Variants in SNURF observed in about 807,000 individuals in gnomAD.
SNURF encodes SNURF protein.
SNURF carries 6 observed loss-of-function variants against 11.6 expected under a neutral mutation model. That is an observed-to-expected ratio of 0.52 (90% CI 0.28 to 1.02). The LOEUF is 1.02. SNURF is among the 50% of genes least tolerant of loss of function. SNURF has a pLI of 0.09. For synonymous variants in SNURF, 29 were observed against 31.6 expected (o/e 0.92, Z 0.27); for missense variants, 84 against 88.4 (o/e 0.95, Z 0.20).
In SNURF at chr15:24,974,982, G is replaced by T. The variant is rs867001062; in HGVS notation, c.*46-376G>T. 3.6e-5 allele frequency: 25 copies of T among 702,914 alleles called. No individual in the cohort carries two copies. The African/African-American group carries it at 4.2e-4, about 12-fold the overall frequency. The allele number at this position is 702,914 out of a possible 1,614,324, so 43.5% of individuals were successfully genotyped here. A position where few individuals can be genotyped will look rare whatever the true frequency, so the allele number is the denominator to read the frequency against. On this transcript the variant is annotated intron_variant and NMD_transcript_variant, in intron 3 of 6. Transcript: ENST00000580062. ...GGTCAGATTACAATAGAAATAAAGAGGGCTTTGAAAATGGAAGGGTTTTGG... is the reference window on the plus strand; with the variant it reads ...GGTCAGATTACAATAGAAATAAAGATGGCTTTGAAAATGGAAGGGTTTTGG...
intron 1 of SNURF, among the ~76,000 whole-genome samples, chr15:24,956,720 G>T (rs937022080): frequency 3.3e-5 from 5 of 152,220 alleles, no homozygotes; most frequent in Non-Finnish European, 7.3e-5. Context: ...AGGGAGATGG[G>T]TTGGCGCAGG....
exon 3 of SNURF, chr15:24,968,019 G>C (rs780059834): frequency 6.2e-7 from 1 of 1,614,058 alleles, no homozygotes; most frequent in East Asian, 2.2e-5. Flanking sequence ...TCTTAGCTGA[G>C]ACACCAAGAG....
chr15:24,974,419 T>C, intron 3 of SNURF: 1 of 1,611,530 alleles, frequency 6.2e-7, no homozygotes, highest in Non-Finnish European at 8.5e-7. Flanking sequence ...CATCAAGTTT[T>C]AACTGTGGAC....
At chr15:24,978,149 A>T, downstream of SNURF, 1 of 1,591,852 alleles carries the variant, frequency 6.3e-7, no homozygotes, top group South Asian at 1.1e-5. Flanking sequence ...TAACTTTTCT[A>T]AGCCATTTTA....
At chr15:24,976,464 ATAT>A in intron 5 of SNURF, 1 of 1,230,260 alleles carries the variant, frequency 8.1e-7, no homozygotes, top group Non-Finnish European at 1.2e-6. Context: ...CAGGGACATC[ATAT>A]TATGTGAGAT....
chr15:24,965,392 C>T (rs1266463248), intron 2 of SNURF, among the ~76,000 whole-genome samples: 5 of 152,002 alleles, frequency 3.3e-5, no homozygotes, highest in Admixed American at 6.6e-5. Flanking sequence ...AAAAAATCAG[C>T]CGGGTGTGGT....
At chr15:24,967,167 A>ATGG (rs2075762715) in intron 2 of SNURF, 1 of 152,328 alleles carries the variant, frequency 6.6e-6, no homozygotes, top group Admixed American at 6.5e-5. Flanking sequence ...GTGACTATAT[A>ATGG]TGGTACTGAT....
At chr15:24,968,055 G>A (rs931289206) in exon 3 of SNURF, 6 of 1,609,002 alleles carry the variant, frequency 3.7e-6, no homozygotes, top group Middle Eastern at 3.3e-4. Context: ...TTGGAGTAGC[G>A]AGGAATCTGA....
At chr15:24,968,570 A>T (rs952806099), downstream of SNURF, among the ~76,000 whole-genome samples, 1 of 152,186 alleles carries the variant, frequency 6.6e-6, no homozygotes, top group Non-Finnish European at 1.5e-5. Flanking sequence ...TTAAATTAGT[A>T]TTCATTGCTT....
rs574751672 is a variant in SNURF at position 24,958,580 on chromosome 15, A to G, written c.14+3518A>G. ...GAACTCGAACTGCTAGACTCAAGCT[A>G]TATCCTCTCCCTCCTCAGTCTCTCT... On this transcript the variant is annotated intron_variant, in intron 1 of 2. Coordinates refer to ENST00000577949, the Ensembl canonical transcript of SNURF. Among the ~76,000 whole-genome samples, 9 of 139,632 alleles carry G rather than the reference A, an allele frequency of 6.4e-5. No homozygotes were observed. In the South Asian group the frequency reaches 1.8e-3, roughly 28 times the overall value. 91.6% of individuals were successfully genotyped at this position (139,632 alleles called of 152,430 possible). A position where few individuals can be genotyped will look rare whatever the true frequency, so the allele number is the denominator to read the frequency against.
At chr15:24,962,016 C>T in intron 1 of SNURF, 98 bp from the exon 2 acceptor site, 12 of 1,017,718 alleles carry the variant, frequency 1.2e-5, no homozygotes, top group Non-Finnish European at 1.9e-5. Flanking sequence ...ATTTAAAAAT[C>T]CATTATATTA....
Position 24,956,355 on chromosome 15 carries a change from G to GGGGC in SNURF, c.14+1296_14+1297insCGGG, listed in dbSNP as rs563996697. Among the ~76,000 whole-genome samples the GGGGC allele has an allele frequency of 2.4e-4, 16 of 66,084 alleles. 2 individuals are homozygous for GGGGC. Among genetic ancestry groups the GGGGC allele is most frequent in the Admixed American group, 1.1e-3 (6 of 5,468 alleles). The allele number at this position is 66,084 out of a possible 152,430, so 43.4% of individuals were successfully genotyped here. ...CTTAGATCTGCGCAAGCGCTTCAGCGGGGGGGTGGCCGCTTCCTCCCTGTA... is the reference window on the plus strand; with the variant it reads ...CTTAGATCTGCGCAAGCGCTTCAGCGGGGCGGGGGGTGGCCGCTTCCTCCCTGTA... On this transcript the variant is annotated intron_variant, in intron 1 of 2. Coordinates refer to ENST00000577949, the Ensembl canonical transcript of SNURF.
chr15:24,977,089 G>A, intron 6 of SNURF: 1 of 1,411,080 alleles, frequency 7.1e-7, no homozygotes, highest in Non-Finnish European at 9.5e-7. Flanking sequence ...CGGAGGCCGA[G>A]GAGATTTAAA....
At chr15:24,955,750 CGGCGACAGTGGGTATT>C (rs1403186742) in intron 1 of SNURF, among the ~76,000 whole-genome samples, 2 of 150,568 alleles carry the variant, frequency 1.3e-5, no homozygotes, top group Non-Finnish European at 3.0e-5. Context: ...AGGGGGAAGG[CGGCGACAGTGGGTATT>C]GGCGGCGGTG....
At chr15:24,964,077 T>G (rs1007753768) in intron 2 of SNURF, among the ~76,000 whole-genome samples, 4 of 151,264 alleles carry the variant, frequency 2.6e-5, no homozygotes, top group Admixed American at 1.3e-4. Flanking sequence ...AAGTTTTAAA[T>G]TATGGTGAGG....
downstream of SNURF, chr15:24,968,492 A>T (rs1243787346): frequency 6.4e-6 from 1 of 156,420 alleles, no homozygotes; most frequent in African/African-American, 2.4e-5. Context: ...AAATATGCAG[A>T]TGTGAAAATA....
chr15:24,973,597 A>G (rs2076716685), downstream of SNURF, among the ~76,000 whole-genome samples: 1 of 150,334 alleles, frequency 6.7e-6, no homozygotes, highest in African/African-American at 2.4e-5. Context: ...ACGGGATTTC[A>G]CCATGTTGGC....
intron 2 of SNURF, among the ~76,000 whole-genome samples, chr15:24,966,766 C>T (rs937634269): frequency 4.6e-5 from 7 of 152,098 alleles, no homozygotes; most frequent in African/African-American, 1.7e-4. Context: ...TAAAATGTTA[C>T]TGAAAAACCA....
At chr15:24,968,284 T>C (rs1957684480) in exon 3 of SNURF, 4 of 435,188 alleles carry the variant, frequency 9.2e-6, no homozygotes, top group Non-Finnish European at 1.7e-5. Context: ...ATTCCAGTTA[T>C]TGTAGCGCAT....
Sources: allele counts gnomAD v4.1 joint callset (sites outside exome capture counted in the v4.1 genomes callset), GRCh38; gene constraint gnomAD v4.1.1; transcripts MANE v1.5; gene names NCBI Gene and HGNC (gene_info 2026-07-23, HGNC 2026-07-21).